TTN: variants seen among roughly 807,000 people sequenced by gnomAD.
TTN encodes connectin.
Under a neutral mutation model 3,223.0 loss-of-function variants are expected in TTN, and 1,525 were observed. The observed-to-expected ratio is 0.47, with a 90% CI of 0.45 to 0.49. The LOEUF (loss-of-function observed/expected upper bound fraction) is 0.49. Ranked by LOEUF, TTN falls within the 20% of genes least tolerant of loss-of-function variation. The pLI is 0.00. For missense variants in TTN, 40,786 were observed against 43,424.0 expected, an observed-to-expected ratio of 0.94 and a Z score of 5.40; for synonymous variants, 14,094 against 15,161.0, an observed-to-expected ratio of 0.93 and a Z score of 5.17.
chr2:178,637,187 A>ATATATATATATC (rs1553749552), intron 224 of TTN, among the ~76,000 whole-genome samples, 182 bp downstream of exon 224: 4 of 125,300 alleles, frequency 3.2e-5, no homozygotes, highest in African/African-American at 9.1e-5. Context: ...ATATATATAT[A>ATATATATATATC]TATCTCCTTG....
intron 346 of TTN, 79 bp from the exon 347 acceptor site, chr2:178,543,741 G>A (rs1695707782): frequency 6.5e-7 from 1 of 1,528,306 alleles, no homozygotes. Context: ...AATCAACATA[G>A]TTCCTTTCTA....
rs1343764526 is a variant in TTN, at chr2:178,588,103, C to T, written c.63304G>A (p.Glu21102Lys). ...GGAPIIGYVVEMRPKIADASP... is the reference protein window; with the variant it reads ...GGAPIIGYVVKMRPKIADASP... ...GCATCTGCTATTTTTGGTCTCATTT[C>T]CACAACATATCCAATGATCGGTGCA... Residue 21102 changes from glutamate (E) to lysine (K), a missense_variant, in exon 305 of 363, where the codon GAA becomes AAA. Glu to Lys is a moderately conservative substitution (Grantham distance 56, BLOSUM62 1). Coordinates refer to ENST00000589042, the MANE Select transcript of TTN (RefSeq NM_001267550.2). 5 of 1,612,790 alleles carry T rather than the reference C, an allele frequency of 3.1e-6. No individual in the cohort carries two copies. Among genetic ancestry groups the T allele is most frequent in the African/African-American group, 1.3e-5 (1 of 74,860 alleles).
chr2:178,619,524 G>A (rs1179153666), intron 250 of TTN, 97 bp downstream of exon 250: 14 of 1,477,772 alleles, frequency 9.5e-6, no homozygotes, highest in Non-Finnish European at 6.4e-6. Context: ...TGCTAGAAAT[G>A]AAAGACCCTC....
At position 178,548,458 on chromosome 2, in the gene TTN, T is replaced by A. The variant is rs1202181464; in HGVS notation, c.93168A>T (p.Arg31056=). 1.2e-6 allele frequency: 2 copies of A among 1,613,774 alleles called. No homozygotes were observed. The highest frequency in any genetic ancestry group is 2.7e-5 in the African/African-American group (2 of 74,924). ...CCTGCCAACTACGGCGACTTGCCTC[T>A]CGTTTCTCTACCACATAATGATGGA... is the stretch of plus-strand genomic sequence containing the variant. ...ARIHHYVVEK[R]EASRRSWQVI... Residue 31056 remains arginine, a synonymous_variant, in exon 339 of 363, where the codon CGA becomes CGT. Coordinates refer to ENST00000589042, the MANE Select transcript of TTN (RefSeq NM_001267550.2). The surrounding 1 kb of genome is among the most constrained non-coding windows in gnomAD (Gnocchi z 4.3).
chr2:178,795,969 T>C (rs1184673198), intron 6 of TTN, among the ~76,000 whole-genome samples: 1 of 152,248 alleles, frequency 6.6e-6, no homozygotes, highest in Non-Finnish European at 1.5e-5. Flanking sequence ...TTTAAATATC[T>C]TTAGAGTTAT....
intron 338 of TTN, 31 bp downstream of exon 338, chr2:178,549,539 A>C (rs1477720062): frequency 1.3e-6 from 2 of 1,599,958 alleles, no homozygotes; most frequent in Non-Finnish European, 1.7e-6. Flanking sequence ...AACTTTTGAC[A>C]TAGTACCGCT....
Position 178,741,387 on chromosome 2 carries a change from C to T in TTN, c.11846G>A (p.Cys3949Tyr). 8 of 1,613,888 alleles carry T rather than the reference C, an allele frequency of 5.0e-6. No homozygotes were observed. The highest frequency in any genetic ancestry group is 1.1e-5 in the South Asian group (1 of 91,084). Residue 3949 changes from cysteine (C) to tyrosine (Y), a missense_variant, in exon 48 of 363, where the codon TGT (cysteine) becomes TAT (tyrosine). Cys to Tyr is a radical substitution (Grantham distance 194). Coordinates refer to ENST00000589042, the MANE Select transcript of TTN (RefSeq NM_001267550.2). ...HFLKELKPIR[C>Y]AQGLPAIFEY... ...AAAGATGGCAGGAAGCCCTTGAGCA[C>T]AGCGAATTGGTTTTAACTCCTTAAG...
In TTN at chr2:178,679,415, C is replaced by A. The variant is rs767867884; in HGVS notation, c.33666G>T (p.Val11222=). 3.1e-6 allele frequency: 5 copies of A among 1,612,266 alleles called. No homozygotes were observed. The highest frequency in any genetic ancestry group is 3.4e-6 in the Non-Finnish European group (4 of 1,178,974). The change falls in exon 142 of 363, where the codon GTG becomes GTT. Residue 11222 remains valine, a splice_region_variant and synonymous_variant. Transcript: ENST00000589042. ...PKKKEAPPAK[V]PEVPKKPEEK... ...CCTCTGGCTTCTTAGGAACCTCAGGCACTTTAAAGATATTGTTTATTGTTA... is the reference window on the plus strand; with the variant it reads ...CCTCTGGCTTCTTAGGAACCTCAGGAACTTTAAAGATATTGTTTATTGTTA...
At chr2:178,757,477 A>T in intron 45 of TTN, 65 bp downstream of exon 45, 4 of 1,475,870 alleles carry the variant, frequency 2.7e-6, no homozygotes, top group Non-Finnish European at 3.6e-6. Flanking sequence ...AGAGACTCTC[A>T]TTAGTAACAG....
In TTN at chr2:178,562,555, T is replaced by G; in HGVS notation, c.83577A>C (p.Lys27859Asn). 1 of 1,610,824 alleles carries G rather than the reference T, an allele frequency of 6.2e-7. No individual in the cohort carries two copies. The highest frequency in any genetic ancestry group is 2.2e-5 in the East Asian group (1 of 44,804). Residue 27859 changes from lysine to asparagine, a missense_variant, in exon 326 of 363, where the codon AAA becomes AAC. Transcript: ENST00000589042. ...GLPAETTEPV[K>N]VSEPPLPPGR... ...CAGGTGGGAGGGGTGGTTCAGACAC[T>G]TTAACGGGTTCTGTTGTTTCAGCTG...
At position 178,634,121 on chromosome 2, in the gene TTN, T is replaced by C; in HGVS notation, c.42416-38A>G. The C allele has an allele frequency of 6.2e-7, 1 of 1,606,612 alleles. No individual in the cohort carries two copies. Among genetic ancestry groups the C allele is most frequent in the Non-Finnish European group, 8.5e-7 (1 of 1,178,174 alleles). On this transcript the variant is annotated intron_variant, in intron 230 of 362. Coordinates refer to ENST00000589042, the MANE Select transcript of TTN (RefSeq NM_001267550.2). This position sits in a 1 kb window ranked among gnomAD's most constrained non-coding sequence, Gnocchi z 4.6. ...CATAGATAATGCCTCAGAAACACAA[T>C]TCACCTTCAGAAAGATTCCATTCTA...
Position 178,530,398 on chromosome 2 carries a change from C to G in TTN, c.106217G>C (p.Arg35406Thr), listed in dbSNP as rs371304729. ...TTCAGGAGCTTTTGGTTCAGTTTTT[C>G]TGGTTACTGTTGACTCAGTGGTTTT... is the stretch of plus-strand genomic sequence containing the variant. ...DQKTTESTVT[R>T]KTEPKAPEPI... is the part of the protein sequence containing the mutation. Residue 35406 changes from arginine (R) to threonine (T), a missense_variant, in exon 358 of 363, where the codon AGA (arginine) becomes ACA (threonine). Coordinates refer to ENST00000589042, the MANE Select transcript of TTN (RefSeq NM_001267550.2). The G allele has an allele frequency of 7.7e-5, 124 of 1,613,790 alleles. No homozygotes were observed. The highest frequency in any genetic ancestry group is 9.5e-5 in the Non-Finnish European group (112 of 1,179,862).
rs1444697526 is a variant in TTN, at chr2:178,722,710, C to T, written c.22189G>A (p.Ala7397Thr). 6.2e-7 allele frequency: 1 copy of T among 1,613,114 alleles called. No individual in the cohort carries two copies. Among genetic ancestry groups the T allele is most frequent in the Admixed American group, 1.7e-5 (1 of 59,952 alleles). Residue 7397 changes from alanine to threonine, a missense_variant, in exon 76 of 363, where the codon GCA becomes ACA. Ala to Thr is a moderately conservative substitution (Grantham distance 58). Transcript: ENST00000589042. ...GAAGCAGTTCCTATACTATTTTCTG[C>T]TTTGCATGTGTACTCTCCACTGTCA... Reference protein sequence around the residue: ...INDSGEYTCKAENSIGTASSK... With the variant: ...INDSGEYTCKTENSIGTASSK...
Position 178,644,298 on chromosome 2 carries a change from G to A in TTN, c.40477+250C>T, listed in dbSNP as rs191416483. 14 of 338,546 alleles carry A rather than the reference G, an allele frequency of 4.1e-5. No homozygotes were observed. In the Admixed American group the frequency reaches 5.3e-4, roughly 13 times the overall value. 21.0% of individuals were successfully genotyped at this position (338,546 alleles called of 1,614,324 possible). ...GTAAAATTTGTTATTTTTAAGTTTA[G>A]GAAAATGCAAGAAGACATATGTAGA... On this transcript the variant is annotated intron_variant, in intron 218 of 362. Coordinates refer to ENST00000589042, the MANE Select transcript of TTN (RefSeq NM_001267550.2).
chr2:178,750,418 C>T (rs144909083), intron 47 of TTN: 45 of 1,612,066 alleles, frequency 2.8e-5, no homozygotes, highest in South Asian at 1.5e-4. Context: ...AGTTTTCCAA[C>T]GAATGAATGA....
chr2:178,689,490 ATT>A (rs1446569600), intron 123 of TTN, 23 bp downstream of exon 123: 23 of 1,605,026 alleles, frequency 1.4e-5, no homozygotes, highest in Non-Finnish European at 2.0e-5. Context: ...AGACAAGGTT[ATT>A]TCATGGAGAT....
chr2:178,631,578 G>A (rs2059813622), intron 236 of TTN, among the ~76,000 whole-genome samples: 1 of 152,028 alleles, frequency 6.6e-6, no homozygotes. Flanking sequence ...ATACAATTTT[G>A]TGTTCCTCCA....
At chr2:178,629,824 T>C (rs2059576175) in intron 239 of TTN, among the ~76,000 whole-genome samples, 1 of 152,100 alleles carries the variant, frequency 6.6e-6, no homozygotes, top group African/African-American at 2.4e-5. Flanking sequence ...ACTTTGCACC[T>C]TCCAGAAACG....
At chr2:178,660,663 C>T (rs1577061672) in intron 180 of TTN, among the ~76,000 whole-genome samples, 1 of 152,240 alleles carries the variant, frequency 6.6e-6, no homozygotes, top group African/African-American at 2.4e-5. Context: ...GTAACAAAAG[C>T]CAAAATTGAC....
Sources: gnomAD v4.1 joint callset for allele counts (sites outside exome capture counted in the v4.1 genomes callset) on GRCh38, gnomAD v4.1.1 for gene constraint, Gnocchi (gnomAD v3.1) non-coding constraint, MANE v1.5 for transcripts, NCBI Gene and HGNC (gene_info 2026-07-23, HGNC 2026-07-21) for gene names.